The following BCO2 variants were observed in gnomAD, a reference collection of about 807,000 sequenced individuals.
BCO2 encodes carotenoid-cleaving dioxygenase, mitochondrial.
BCO2 carries 56 observed loss-of-function variants against 65.8 expected under a neutral mutation model. That is an observed-to-expected ratio of 0.85 (90% confidence interval 0.69 to 1.06). The LOEUF is 1.06. Among genes scored for constraint, BCO2 ranks in the 50% least tolerant of loss-of-function variants. BCO2 has a pLI of 0.00. For synonymous variants in BCO2, 233 were observed against 242.3 expected (o/e 0.96, Z 0.36); for missense variants, 675 against 698.5 (o/e 0.97, Z 0.38).
In BCO2 at chr11:112,218,754, A is replaced by G. The variant is rs996365631; in HGVS notation, c.*880A>G. On this transcript the variant is annotated 3_prime_UTR_variant, in exon 12 of 12. Transcript: ENST00000357685. ...AACTTTGGCACTCATGTTTCTTAAG[A>G]AAAAACACCACAAAGCAGAATTCAT... The G allele has an allele frequency of 6.6e-6, 1 of 152,528 alleles. No homozygotes were observed. The highest frequency in any genetic ancestry group is 1.5e-5 in the Non-Finnish European group (1 of 68,158). 9.4% of individuals were successfully genotyped at this position (152,528 alleles called of 1,614,324 possible).
intron 2 of BCO2, chr11:112,181,736 C>T: frequency 1.1e-6 from 1 of 904,504 alleles, no homozygotes; most frequent in Non-Finnish European, 1.9e-6. Context: ...AACTGTGATG[C>T]CAGGGTTTGA....
intron 2 of BCO2, chr11:112,179,788 T>C (rs1042489790): frequency 2.9e-5 from 11 of 376,586 alleles, no homozygotes; most frequent in Non-Finnish European, 5.5e-5. Flanking sequence ...GGAAGGGCAA[T>C]GTCTCCTCAT....
intron 6 of BCO2, chr11:112,200,364 A>G (rs1411849194): frequency 9.1e-6 from 3 of 328,968 alleles, no homozygotes; most frequent in Non-Finnish European, 1.6e-5. Flanking sequence ...AAAGAAAAGA[A>G]AAGGAAAAAA....
intron 2 of BCO2, among the ~76,000 whole-genome samples, chr11:112,182,246 G>A (rs1867072136): frequency 6.6e-6 from 1 of 152,166 alleles, no homozygotes; most frequent in Non-Finnish European, 1.5e-5. Flanking sequence ...CTTTTACACT[G>A]TTGGTGGGAC....
At chr11:112,178,074 A>ATT (rs11480780) in intron 1 of BCO2, among the ~76,000 whole-genome samples, 205 of 141,798 alleles carry the variant, frequency 1.4e-3, no homozygotes, top group African/African-American at 4.6e-3. Flanking sequence ...ACACCCGGCT[A>ATT]TTTTTTTTTT....
At chr11:112,197,437 A>T (rs144849467) in intron 5 of BCO2, among the ~76,000 whole-genome samples, 3,038 of 151,874 alleles carry the variant, frequency 0.02, 105 homozygotes, top group African/African-American at 0.068. Flanking sequence ...GGTCCCAGCT[A>T]CTCAGGAGGA....
chr11:112,178,160 C>CT (rs1866935840), intron 1 of BCO2, among the ~76,000 whole-genome samples: 1 of 151,930 alleles, frequency 6.6e-6, no homozygotes, highest in South Asian at 2.1e-4. Context: ...GGTGATCCAC[C>CT]TGCCTTGGCC....
intron 2 of BCO2, among the ~76,000 whole-genome samples, chr11:112,188,756 G>GT (rs758743166): frequency 3.6e-5 from 1 of 27,630 alleles, no homozygotes; most frequent in East Asian, 1.5e-3. Context: ...TGCATAAATA[G>GT]CTTTTTTTTT....
chr11:112,181,304 C>A, intron 2 of BCO2: 1 of 549,510 alleles, frequency 1.8e-6, no homozygotes. Context: ...GCCTCAGCCT[C>A]CCAAGTAGCT....
At chr11:112,200,528 A>G in intron 6 of BCO2, 85 bp from the exon 7 acceptor site, 1 of 1,257,952 alleles carries the variant, frequency 7.9e-7, no homozygotes, top group Non-Finnish European at 1.1e-6. Flanking sequence ...GTGTCCAGGC[A>G]TTCAGACAAG....
At chr11:112,201,965 A>G in intron 7 of BCO2, 58 bp from the exon 8 acceptor site, 1 of 1,443,096 alleles carries the variant, frequency 6.9e-7, no homozygotes, top group South Asian at 1.5e-5. Flanking sequence ...CCTAAAGGAA[A>G]GGGAAAAAGA....
At chr11:112,179,155 T>G in intron 1 of BCO2, 123 bp from the exon 2 acceptor site, 1 of 810,748 alleles carries the variant, frequency 1.2e-6, no homozygotes, top group Non-Finnish European at 2.0e-6. Context: ...GGAGCCTGTA[T>G]TTGGTGTTAG....
intron 5 of BCO2, 123 bp downstream of exon 5, chr11:112,194,878 C>T: frequency 6.8e-6 from 4 of 586,842 alleles, no homozygotes; most frequent in Non-Finnish European, 1.2e-5. Flanking sequence ...CTGGACACCT[C>T]TACACCCAGC....
chr11:112,205,384 G>T (rs557944376), intron 8 of BCO2, among the ~76,000 whole-genome samples: 2 of 152,220 alleles, frequency 1.3e-5, no homozygotes, highest in South Asian at 4.2e-4. Context: ...GTTTTAATTT[G>T]TATTTCCCTT....
chr11:112,200,419 C>G (rs1867695300), intron 6 of BCO2, 194 bp from the exon 7 acceptor site: 1 of 501,810 alleles, frequency 2.0e-6, no homozygotes, highest in Non-Finnish European at 3.4e-6. Context: ...CTATTCTAAG[C>G]AGTTCCCTTT....
chr11:112,181,718 C>A, intron 2 of BCO2: 2 of 953,278 alleles, frequency 2.1e-6, no homozygotes, highest in Non-Finnish European at 3.4e-6. Context: ...CAACTCCAAC[C>A]AAGTCAGAAC....
intron 2 of BCO2, among the ~76,000 whole-genome samples, chr11:112,192,855 A>C (rs2884728): frequency 0.97 from 136,782 of 140,622 alleles, 66,554 homozygotes; most frequent in East Asian, 1. Flanking sequence ...TCATGCTATT[A>C]TCTTAGCTGT....
intron 2 of BCO2, among the ~76,000 whole-genome samples, chr11:112,190,594 C>A (rs932945545): frequency 5.9e-5 from 9 of 152,056 alleles, no homozygotes; most frequent in African/African-American, 1.9e-4. Flanking sequence ...CAGTGGCTCA[C>A]GCCTGTAATC....
intron 8 of BCO2, among the ~76,000 whole-genome samples, chr11:112,203,635 C>T (rs191812807): frequency 1.3e-3 from 202 of 152,284 alleles, no homozygotes; most frequent in African/African-American, 4.5e-3. Context: ...ACAAAAATCT[C>T]TGATAGAATA....
Sources: allele counts gnomAD v4.1 joint callset (sites outside exome capture counted in the v4.1 genomes callset), GRCh38; gene constraint gnomAD v4.1.1; transcripts MANE v1.5; gene names NCBI Gene and HGNC (gene_info 2026-07-23, HGNC 2026-07-21).